The following TRIO variants were observed in gnomAD, a reference collection of about 807,000 sequenced individuals.
TRIO encodes triple functional domain protein.
TRIO carries 58 observed loss-of-function variants against 351.9 expected under a neutral mutation model. The ratio of observed to expected loss-of-function variants is 0.16; its 90% CI spans 0.13 to 0.21. The LOEUF is 0.21. TRIO is among the 10% of genes least tolerant of loss of function. The pLI is 1.00. For synonymous variants in TRIO, 1,758 were observed against 1,595.7 expected, an observed-to-expected ratio of 1.10 and a Z score of -2.42; for missense variants, 3,201 against 4,027.8, an observed-to-expected ratio of 0.79 and a Z score of 5.56.
chr5:14,298,454 A>G (rs940035959), intron 7 of TRIO, among the ~76,000 whole-genome samples: 2 of 152,178 alleles, frequency 1.3e-5, no homozygotes, highest in African/African-American at 4.8e-5. Context: ...AAATATCAGT[A>G]TATCTTCCTC....
chr5:14,316,530 G>A lies in TRIO; in HGVS notation c.1518G>A (p.Lys506=). Reference sequence around the variant, plus strand: ...GTGGGCAGGTCAGCCAAGATGGGAAGTCGCTCCTTGACAAGCTCCAGCGGC... The same window carrying A: ...GTGGGCAGGTCAGCCAAGATGGGAAATCGCTCCTTGACAAGCTCCAGCGGC... ...LAYSEVSQDG[K]SLLDKLQRPL... is the part of the protein sequence containing the mutation. Residue 506 remains lysine, a synonymous_variant, in exon 9 of 57, where the codon AAG becomes AAA. Coordinates refer to ENST00000344204, the MANE Select transcript of TRIO (RefSeq NM_007118.4). 1 of 1,614,088 alleles carries A rather than the reference G, an allele frequency of 6.2e-7. No homozygotes were observed.
intron 46 of TRIO, among the ~76,000 whole-genome samples, chr5:14,482,998 C>G (rs1755648403): frequency 6.6e-6 from 1 of 152,222 alleles, no homozygotes; most frequent in East Asian, 1.9e-4. Flanking sequence ...GCCATTCATT[C>G]TTACCATGAT....
At chr5:14,484,519 A>C (rs1268132620) in intron 46 of TRIO, among the ~76,000 whole-genome samples, 1 of 152,182 alleles carries the variant, frequency 6.6e-6, no homozygotes, top group Non-Finnish European at 1.5e-5. Context: ...TGGCAGTTCA[A>C]CTGAAAAGTG....
chr5:14,433,623 T>A (rs2152399289), intron 34 of TRIO, among the ~76,000 whole-genome samples: 1 of 152,326 alleles, frequency 6.6e-6, no homozygotes, highest in South Asian at 2.1e-4. Context: ...CCCAGCATCC[T>A]CAGCTGCAGA....
At chr5:14,317,097 A>G (rs1411336678) in intron 9 of TRIO, among the ~76,000 whole-genome samples, 1 of 152,234 alleles carries the variant, frequency 6.6e-6, no homozygotes, top group Non-Finnish European at 1.5e-5. Context: ...CCAACTATGT[A>G]AACAGTGAGG....
Position 14,215,011 on chromosome 5 carries a change from G to A in TRIO, c.158-55814G>A, listed in dbSNP as rs1435715398. Among the ~76,000 whole-genome samples the A allele has an allele frequency of 3.9e-5, 6 of 152,170 alleles. No homozygotes were observed. The East Asian group carries it at 9.6e-4, about 24-fold the overall frequency. On this transcript the variant is annotated intron_variant, in intron 1 of 56. Transcript: ENST00000344204. ...ATGAGAAATTTATTTTGTATGAAAAGTAAATCTTTTCTGTATTTGGTGTTT... is the reference window on the plus strand; with the variant it reads ...ATGAGAAATTTATTTTGTATGAAAAATAAATCTTTTCTGTATTTGGTGTTT...
chr5:14,269,823 C>A (rs928748099), intron 1 of TRIO, among the ~76,000 whole-genome samples: 6 of 152,140 alleles, frequency 3.9e-5, no homozygotes, highest in African/African-American at 1.4e-4. Context: ...CTAGCATTTG[C>A]GATGCTTTTC....
chr5:14,364,029 T>C, intron 14 of TRIO, 102 bp downstream of exon 14: 1 of 1,181,664 alleles, frequency 8.5e-7, no homozygotes, highest in Non-Finnish European at 1.2e-6. Flanking sequence ...TTAGTTCCTA[T>C]GATAAAGGTA....
At chr5:14,188,673 A>C (rs575702185) in intron 1 of TRIO, among the ~76,000 whole-genome samples, 4 of 152,354 alleles carry the variant, frequency 2.6e-5, no homozygotes, top group African/African-American at 9.6e-5. Context: ...GTAAAAGACC[A>C]GGAGAAAGAT....
chr5:14,504,277 A>T, intron 54 of TRIO, 116 bp from the exon 55 acceptor site: 1 of 1,133,270 alleles, frequency 8.8e-7, no homozygotes, highest in South Asian at 1.4e-5. Flanking sequence ...CCGGGAGAGC[A>T]GGGCCTCTGG....
chr5:14,479,508 G>A (rs1755356581), intron 42 of TRIO, among the ~76,000 whole-genome samples, 158 bp downstream of exon 42: 1 of 152,094 alleles, frequency 6.6e-6, no homozygotes. Context: ...CTGTAAATCA[G>A]AGAAATGAGT....
intron 1 of TRIO, among the ~76,000 whole-genome samples, chr5:14,186,657 A>G (rs1790130359): frequency 6.6e-6 from 1 of 151,960 alleles, no homozygotes; most frequent in Admixed American, 6.6e-5. Flanking sequence ...GGCTCACTGC[A>G]GCCTCTGCCC....
intron 23 of TRIO, 95 bp downstream of exon 23, chr5:14,387,942 A>G: frequency 3.0e-6 from 4 of 1,341,832 alleles, no homozygotes; most frequent in Non-Finnish European, 4.2e-6. Context: ...TTGAAGTCAC[A>G]TGGCACCCAG....
At chr5:14,366,790 C>G (rs1744634560) in intron 15 of TRIO, 70 bp from the exon 16 acceptor site, 1 of 1,602,908 alleles carries the variant, frequency 6.2e-7, no homozygotes, top group Non-Finnish European at 8.5e-7. Context: ...ACGCTTGTAT[C>G]TCACCCCTGG....
chr5:14,237,919 C>T (rs539894026), intron 1 of TRIO, among the ~76,000 whole-genome samples: 21 of 152,106 alleles, frequency 1.4e-4, no homozygotes, highest in Non-Finnish European at 2.6e-4. Context: ...TTCTTCTTTC[C>T]TCTAACATTT....
At chr5:14,268,851 C>T (rs796387950) in intron 1 of TRIO, among the ~76,000 whole-genome samples, 2 of 152,276 alleles carry the variant, frequency 1.3e-5, no homozygotes, top group South Asian at 2.1e-4. Context: ...TCTGTGTCCA[C>T]GGCAGCCACG....
intron 11 of TRIO, among the ~76,000 whole-genome samples, chr5:14,346,185 A>C (rs1166721105): frequency 6.6e-6 from 1 of 152,206 alleles, no homozygotes; most frequent in Non-Finnish European, 1.5e-5. Context: ...GTTGAGGTAC[A>C]AAAATCAGAA....
At chr5:14,404,093 A>G (rs1243650493) in intron 31 of TRIO, among the ~76,000 whole-genome samples, 1 of 149,630 alleles carries the variant, frequency 6.7e-6, no homozygotes, top group Non-Finnish European at 1.5e-5. Context: ...TGTGGTGGTG[A>G]GGGTGTAGGC....
At chr5:14,235,680 T>C (rs1473056597) in intron 1 of TRIO, among the ~76,000 whole-genome samples, 1 of 152,138 alleles carries the variant, frequency 6.6e-6, no homozygotes, top group East Asian at 1.9e-4. Context: ...GCTAGACAGA[T>C]GAGATCTAGG....
Sources: gnomAD v4.1 joint callset for allele counts (sites outside exome capture counted in the v4.1 genomes callset) on GRCh38, gnomAD v4.1.1 for gene constraint, MANE v1.5 for transcripts, NCBI Gene and HGNC (gene_info 2026-07-23, HGNC 2026-07-21) for gene names.